The following IL1RAPL2 variants were observed in gnomAD, a reference collection of about 807,000 sequenced individuals.
The protein encoded by IL1RAPL2 is interleukin 1 receptor accessory protein like 2, also known as X-linked interleukin-1 receptor accessory protein-like 2.
Under a neutral mutation model 44.1 loss-of-function variants are expected in IL1RAPL2, and 3 were observed. That is an observed-to-expected ratio of 0.07 (90% confidence interval 0.03 to 0.18). The LOEUF (loss-of-function observed/expected upper bound fraction) is 0.18, where lower values mean the gene tolerates loss of function less well. IL1RAPL2 is among the 10% of genes least tolerant of loss of function. The pLI is 1.00. For missense variants in IL1RAPL2, 391 were observed against 496.4 expected, an observed-to-expected ratio of 0.79 and a Z score of 2.02; for synonymous variants, 181 against 178.8, an observed-to-expected ratio of 1.01 and a Z score of -0.10.
At chrX:104,993,738 G>T (rs1312435469) in intron 2 of IL1RAPL2, among the ~76,000 whole-genome samples, 1 of 111,319 alleles carries the variant, frequency 9.0e-6, no homozygotes, top group African/African-American at 3.3e-5. Flanking sequence ...AACTCTATGA[G>T]ACAAGTATAA....
chrX:105,520,404 G>A (rs151300669), intron 6 of IL1RAPL2, among the ~76,000 whole-genome samples: 2 of 111,238 alleles, frequency 1.8e-5, no homozygotes, highest in Admixed American at 9.5e-5. Context: ...TTTTAATTAC[G>A]ACTTATCATA....
At chrX:104,774,246 A>T (rs918491763) in intron 2 of IL1RAPL2, among the ~76,000 whole-genome samples, 1 of 111,909 alleles carries the variant, frequency 8.9e-6, no homozygotes, top group African/African-American at 3.2e-5. Context: ...TCCAAGAGAC[A>T]TCTAACTAGG....
intron 4 of IL1RAPL2, among the ~76,000 whole-genome samples, chrX:105,249,710 A>G (rs1419392685): frequency 8.9e-6 from 1 of 111,780 alleles, no homozygotes; most frequent in Non-Finnish European, 1.9e-5. Context: ...CCCAATGCTA[A>G]CAAGGATGTG....
intron 2 of IL1RAPL2, among the ~76,000 whole-genome samples, chrX:104,912,142 T>A (rs1398377013): frequency 2.8e-4 from 28 of 101,770 alleles, no homozygotes; most frequent in African/African-American, 7.7e-4. Flanking sequence ...CAGGGATTTT[T>A]TTTTTTCTTT....
intron 2 of IL1RAPL2, among the ~76,000 whole-genome samples, chrX:105,168,414 G>GGTGTGTGTGTGT (rs57882187): frequency 3.0e-4 from 27 of 89,354 alleles, no homozygotes; most frequent in African/African-American, 1.1e-3. Flanking sequence ...AACCATAGGA[G>GGTGTGTGTGTGT]GTGTGTGTGT....
At chrX:105,666,057 C>A (rs1226143072) in intron 6 of IL1RAPL2, among the ~76,000 whole-genome samples, 1 of 102,044 alleles carries the variant, frequency 9.8e-6, no homozygotes, top group Admixed American at 1.1e-4. Flanking sequence ...CCACCGCGCC[C>A]GGCCGTAATA....
rs746476219 is a variant in IL1RAPL2, at chrX:105,032,238, C to T, written c.83-163237C>T. ...TGTCTCTATTTCCTTCAGTTCTGCT[C>T]TGATTTTAGTTATTTCTTGCCTTCT... is the stretch of plus-strand genomic sequence containing the variant. On this transcript the variant is annotated intron_variant, in intron 2 of 10. Transcript: ENST00000372582. Among the ~76,000 whole-genome samples, 76 of 109,137 alleles carry T rather than the reference C, an allele frequency of 7.0e-4. 1 individual carries two copies. Among genetic ancestry groups the T allele is most frequent in the Middle Eastern group, 9.3e-3 (2 of 214 alleles). The allele number at this position is 109,137 out of a possible 115,157, so 94.8% of individuals were successfully genotyped here. A position where few individuals can be genotyped will look rare whatever the true frequency, so the allele number is the denominator to read the frequency against.
chrX:104,749,935 G>C (rs1304491095), intron 2 of IL1RAPL2, among the ~76,000 whole-genome samples: 1 of 111,954 alleles, frequency 8.9e-6, no homozygotes, highest in South Asian at 3.7e-4. Context: ...ATTTCTCATA[G>C]GTTTAGGAAA....
At chrX:104,735,723 G>T (rs1374442595) in intron 2 of IL1RAPL2, among the ~76,000 whole-genome samples, 1 of 111,068 alleles carries the variant, frequency 9.0e-6, no homozygotes. Context: ...TGTTGTTCAG[G>T]ATAGAAGTTT....
chrX:105,582,903 T>C (rs1049290951), intron 6 of IL1RAPL2, among the ~76,000 whole-genome samples: 3 of 110,868 alleles, frequency 2.7e-5, no homozygotes, highest in Non-Finnish European at 5.7e-5. Context: ...GTGTGTATGA[T>C]CATAAGCAAT....
intron 2 of IL1RAPL2, among the ~76,000 whole-genome samples, chrX:104,893,218 G>A (rs1923519290): frequency 8.9e-6 from 1 of 111,758 alleles, no homozygotes; most frequent in Non-Finnish European, 1.9e-5. Context: ...CAACTATTTG[G>A]TCAATTTTAG....
chrX:105,465,402 A>G (rs1174704523), intron 5 of IL1RAPL2, among the ~76,000 whole-genome samples: 1 of 112,153 alleles, frequency 8.9e-6, no homozygotes, highest in Non-Finnish European at 1.9e-5. Context: ...ATTTTGTACT[A>G]TCAAGTCATA....
intron 6 of IL1RAPL2, among the ~76,000 whole-genome samples, chrX:105,665,167 C>T (rs921768387): frequency 1.8e-4 from 20 of 111,045 alleles, no homozygotes; most frequent in African/African-American, 5.2e-4. Context: ...TGCGTGTGGG[C>T]GGGGGATTAG....
At chrX:105,172,818 G>T (rs2033436011) in intron 2 of IL1RAPL2, among the ~76,000 whole-genome samples, 1 of 110,795 alleles carries the variant, frequency 9.0e-6, no homozygotes, top group African/African-American at 3.3e-5. Context: ...GCATTTGGGG[G>T]GTCATTTTAG....
chrX:105,686,916 A>C (rs1254750256), intron 6 of IL1RAPL2, among the ~76,000 whole-genome samples: 2 of 112,161 alleles, frequency 1.8e-5, no homozygotes, highest in Non-Finnish European at 3.8e-5. Context: ...AAGATTAAGA[A>C]ACTCACTCAA....
At chrX:104,895,377 C>T (rs1923610977) in intron 2 of IL1RAPL2, among the ~76,000 whole-genome samples, 1 of 112,758 alleles carries the variant, frequency 8.9e-6, no homozygotes, top group African/African-American at 3.2e-5. Flanking sequence ...TGCCCTGCCC[C>T]CAGAAGGGGA....
At chrX:105,654,261 G>T (rs756260437) in intron 6 of IL1RAPL2, among the ~76,000 whole-genome samples, 4 of 110,586 alleles carry the variant, frequency 3.6e-5, no homozygotes, top group Admixed American at 9.6e-5. Flanking sequence ...GCAGAAGATA[G>T]AAATTAGGTC....
chrX:105,204,143 TG>T (rs1556149170), intron 3 of IL1RAPL2, among the ~76,000 whole-genome samples: 1 of 109,773 alleles, frequency 9.1e-6, no homozygotes, highest in African/African-American at 3.3e-5. Flanking sequence ...AACACTCCAA[TG>T]GCAAGATAGA....
chrX:104,891,176 G>C (rs770621431), intron 2 of IL1RAPL2, among the ~76,000 whole-genome samples: 1 of 111,722 alleles, frequency 9.0e-6, no homozygotes, highest in Non-Finnish European at 1.9e-5. Flanking sequence ...TTTGGTACCA[G>C]TACCATGCTG....
Sources: allele counts gnomAD v4.1 joint callset (sites outside exome capture counted in the v4.1 genomes callset), GRCh38; gene constraint gnomAD v4.1.1; transcripts MANE v1.5; gene names NCBI Gene and HGNC (gene_info 2026-07-23, HGNC 2026-07-21).